IQCM: variants seen among roughly 807,000 people sequenced by gnomAD.
IQCM encodes IQ motif containing M, also known as IQ domain-containing protein M.
In IQCM, 45 loss-of-function variants were observed where a neutral mutation model predicts 57.6. The observed-to-expected ratio is 0.78, with a 90% CI of 0.62 to 1.00. The LOEUF (loss-of-function observed/expected upper bound fraction) is 1.00. Ranked by LOEUF, IQCM falls within the 50% of genes least tolerant of loss-of-function variation. The probability of loss-of-function intolerance (pLI) is 0.00; values close to 1 mark genes in which losing one functional copy is unlikely to be tolerated. For missense variants in IQCM, 468 were observed against 511.6 expected, an observed-to-expected ratio of 0.91 and a Z score of 0.82; for synonymous variants, 148 against 158.9, an observed-to-expected ratio of 0.93 and a Z score of 0.51.
intron 8 of IQCM, among the ~76,000 whole-genome samples, chr4:149,619,105 TGG>T (rs202071520): frequency 0.21 from 21,612 of 104,776 alleles, 2,501 homozygotes; most frequent in Non-Finnish European, 0.26. Context: ...AAATGTGGGA[TGG>T]ATATATATAT....
At chr4:149,600,852 T>C (rs1004783114) in intron 8 of IQCM, among the ~76,000 whole-genome samples, 2 of 152,224 alleles carry the variant, frequency 1.3e-5, no homozygotes, top group Non-Finnish European at 2.9e-5. Context: ...GGGTGAAAGC[T>C]CTATTATCCA....
In IQCM at chr4:149,465,274, A is replaced by G. The variant is rs543247899; in HGVS notation, c.1229-31717T>C. On this transcript the variant is annotated intron_variant, in intron 12 of 13. Transcript: ENST00000636793. ...CAGAAGATGTAAGATATGTAGCTGG[A>G]CAAGCATAATTTATATAAATAATAC... 4.6e-5 allele frequency among the ~76,000 whole-genome samples: 7 copies of G among 152,306 alleles called. No individual in the cohort carries two copies. The South Asian group carries it at 1.4e-3, about 32-fold the overall frequency.
At chr4:149,530,588 C>T (rs931368868) in intron 12 of IQCM, among the ~76,000 whole-genome samples, 6 of 152,026 alleles carry the variant, frequency 3.9e-5, no homozygotes, top group Admixed American at 2.6e-4. Context: ...AGATTAAATC[C>T]CAAATTCTTA....
intron 5 of IQCM, among the ~76,000 whole-genome samples, chr4:149,689,093 T>C (rs1394910939): frequency 6.6e-6 from 1 of 151,902 alleles, no homozygotes; most frequent in African/African-American, 2.4e-5. Flanking sequence ...AAAACAAAGA[T>C]AAGGACACAT....
intron 12 of IQCM, among the ~76,000 whole-genome samples, chr4:149,464,188 A>G (rs1367730253): frequency 6.6e-6 from 1 of 152,194 alleles, no homozygotes; most frequent in Non-Finnish European, 1.5e-5. Context: ...GACAGAAAGG[A>G]CACAACTCTA....
intron 12 of IQCM, among the ~76,000 whole-genome samples, chr4:149,439,388 C>CT (rs1294247223): frequency 2.6e-5 from 4 of 151,978 alleles, no homozygotes; most frequent in Non-Finnish European, 5.9e-5. Flanking sequence ...AGCTAAAAGA[C>CT]TTTTTCCTTT....
chr4:149,775,592 G>T lies in IQCM; in HGVS notation c.-48-32853C>A, dbSNP rs1771018667. 2.6e-5 allele frequency among the ~76,000 whole-genome samples: 4 copies of T among 152,166 alleles called. 1 individual carries two copies. The South Asian group carries it at 8.3e-4, about 32-fold the overall frequency. ...TGGTATTGCACAGGGCTTTTAATCA[G>T]GTCTTTAAGCAGCTCAGTGATTCTA... On this transcript the variant is annotated intron_variant, in intron 2 of 13. Transcript: ENST00000636793.
At position 149,531,565 on chromosome 4, in the gene IQCM, T is replaced by C. The variant is rs537239258; in HGVS notation, c.1228+16890A>G. Among the ~76,000 whole-genome samples the C allele has an allele frequency of 2.6e-4, 39 of 152,232 alleles. No homozygotes were observed. In the South Asian group the frequency reaches 7.9e-3, roughly 31 times the overall value. The stretch of plus-strand genomic sequence containing the variant: ...AAGCTTTTTTAAAATGTGTGAATCC[T>C]GAGCATACAAAAAGGCATAAGATAA... On this transcript the variant is annotated intron_variant, in intron 12 of 13. Transcript: ENST00000636793.
At chr4:149,444,557 C>T (rs559217978) in intron 12 of IQCM, among the ~76,000 whole-genome samples, 1 of 151,904 alleles carries the variant, frequency 6.6e-6, no homozygotes, top group South Asian at 2.1e-4. Flanking sequence ...ATGCAGTCCA[C>T]TGTGCTGTAT....
rs988013704 is a variant in IQCM, at chr4:149,636,092, C to T, written c.566-14848G>A. ...ATCTTTCCCACTATAACAATGAGAA[C>T]GAACCAGACAGTCTACAAAATAATG... On this transcript the variant is annotated intron_variant, in intron 7 of 13. Coordinates refer to ENST00000636793, the MANE Select transcript of IQCM (RefSeq NM_001363507.2). Among the ~76,000 whole-genome samples the T allele has an allele frequency of 6.6e-5, 10 of 152,158 alleles. No homozygotes were observed. In the South Asian group the frequency reaches 8.3e-4, roughly 13 times the overall value.
At chr4:149,372,228 T>G (rs1422615807) in intron 13 of IQCM, among the ~76,000 whole-genome samples, 1 of 152,180 alleles carries the variant, frequency 6.6e-6, no homozygotes, top group Non-Finnish European at 1.5e-5. Context: ...ATTTGTAAGC[T>G]TAGTTGTATT....
intron 7 of IQCM, among the ~76,000 whole-genome samples, chr4:149,657,246 A>G (rs564079832): frequency 2.6e-5 from 4 of 152,192 alleles, no homozygotes; most frequent in Non-Finnish European, 5.9e-5. Flanking sequence ...AAGATACCAC[A>G]TATGACTGAG....
intron 5 of IQCM, among the ~76,000 whole-genome samples, chr4:149,726,637 T>TA (rs1765969845): frequency 6.6e-6 from 1 of 152,176 alleles, no homozygotes; most frequent in Admixed American, 6.5e-5. Context: ...TGTTGTCCAA[T>TA]ATGATAGCCA....
chr4:149,668,521 C>A (rs917869980), intron 7 of IQCM, among the ~76,000 whole-genome samples: 36 of 151,928 alleles, frequency 2.4e-4, no homozygotes, highest in African/African-American at 7.0e-4. Context: ...CAGCGGGGGG[C>A]AAGGGGAGGG....
At chr4:149,614,577 C>G (rs1475371459) in intron 8 of IQCM, among the ~76,000 whole-genome samples, 1 of 152,148 alleles carries the variant, frequency 6.6e-6, no homozygotes, top group African/African-American at 2.4e-5. Context: ...TGCATGTATT[C>G]ATGCAGCACA....
In IQCM at chr4:149,733,257, A is replaced by G; in HGVS notation, c.372T>C (p.Asp124=). 8.1e-7 allele frequency: 1 copy of G among 1,231,708 alleles called. No homozygotes were observed. The highest frequency in any genetic ancestry group is 1.0e-6 in the Non-Finnish European group (1 of 987,666). 76.3% of individuals were successfully genotyped at this position (1,231,708 alleles called of 1,614,324 possible). Reference sequence around the variant, plus strand: ...CCAAAAACTTACCTTTTGTAATTAGATCTATGGGCCTGCATCTTTCTCTTC... The same window carrying G: ...CCAAAAACTTACCTTTTGTAATTAGGTCTATGGGCCTGCATCTTTCTCTTC... The part of the protein sequence containing the change: ...FSRRERCRPI[D]LITKGQVKLD... The change falls in exon 5 of 14, where the codon GAT becomes GAC. Residue 124 remains aspartate (D), a synonymous_variant. Transcript: ENST00000636793.
Position 149,619,104 on chromosome 4 carries a change from ATG to A in IQCM, c.681+2023_681+2024del, listed in dbSNP as rs1203622691. On this transcript the variant is annotated intron_variant, in intron 8 of 13. Coordinates refer to ENST00000636793, the MANE Select transcript of IQCM (RefSeq NM_001363507.2). ...TAGATGACTGGATTAAAAATGTGGGATGGATATATATATATATATATATATAT... is the reference window on the plus strand; with the variant it reads ...TAGATGACTGGATTAAAAATGTGGGAGATATATATATATATATATATATAT... Among the ~76,000 whole-genome samples, 51 of 110,970 alleles carry A rather than the reference ATG, an allele frequency of 4.6e-4. 1 individual carries two copies. In the South Asian group the frequency reaches 0.019, roughly 42 times the overall value. The allele number at this position is 110,970 out of a possible 152,430, so 72.8% of individuals were successfully genotyped here.
chr4:149,647,061 C>G, intron 7 of IQCM, among the ~76,000 whole-genome samples: 1 of 152,126 alleles, frequency 6.6e-6, no homozygotes, highest in East Asian at 1.9e-4. Context: ...TGTTCCTTTT[C>G]TCCCCCTTCT....
At chr4:149,629,032 A>C (rs1474450080) in intron 7 of IQCM, among the ~76,000 whole-genome samples, 1 of 152,198 alleles carries the variant, frequency 6.6e-6, no homozygotes, top group East Asian at 1.9e-4. Context: ...ACTTAACTAA[A>C]GACTGAGGCA....
Sources: gnomAD v4.1 joint callset for allele counts (sites outside exome capture counted in the v4.1 genomes callset) on GRCh38, gnomAD v4.1.1 for gene constraint, MANE v1.5 for transcripts, NCBI Gene and HGNC (gene_info 2026-07-23, HGNC 2026-07-21) for gene names.